The following TUT4 variants were observed in gnomAD, a reference collection of about 807,000 sequenced individuals.
The protein encoded by TUT4 is terminal uridylyltransferase 4.
A neutral mutation model predicts 192.2 loss-of-function variants in TUT4; 36 were observed. The observed-to-expected ratio is 0.19, with a 90% confidence interval of 0.14 to 0.25. TUT4 has a LOEUF of 0.25. Among genes scored for constraint, TUT4 ranks in the 10% least tolerant of loss-of-function variants. The pLI is 1.00. For synonymous variants in TUT4, 618 were observed against 666.0 expected, an observed-to-expected ratio of 0.93 and a Z score of 1.11; for missense variants, 1,493 against 1,957.2, an observed-to-expected ratio of 0.76 and a Z score of 4.47.
At chr1:52,434,831 C>T (rs1653255710) in intron 27 of TUT4, 1 of 151,910 alleles carries the variant, frequency 6.6e-6, no homozygotes, top group Non-Finnish European at 1.5e-5. Flanking sequence ...TGGAGTGAGA[C>T]TCCATCTTAA....
intron 20 of TUT4, among the ~76,000 whole-genome samples, chr1:52,448,610 A>AAAAG (rs1395728772): frequency 1.0e-3 from 151 of 151,276 alleles, no homozygotes; most frequent in African/African-American, 3.4e-3. Flanking sequence ...AAAAAAAAAA[A>AAAAG]AAAGAGGCAA....
chr1:52,522,363 A>G (rs1266985314), intron 2 of TUT4, among the ~76,000 whole-genome samples: 1 of 152,230 alleles, frequency 6.6e-6, no homozygotes, highest in African/African-American at 2.4e-5. Flanking sequence ...GAGTAATATA[A>G]TAAGTGATAG....
At chr1:52,544,223 G>A (rs1687475073) in intron 1 of TUT4, among the ~76,000 whole-genome samples, 1 of 151,792 alleles carries the variant, frequency 6.6e-6, no homozygotes, top group Non-Finnish European at 1.5e-5. Flanking sequence ...GGGAGGCGGA[G>A]CTTGCAGTGA....
chr1:52,430,229 G>C (rs1651618616), intron 28 of TUT4, among the ~76,000 whole-genome samples: 1 of 152,082 alleles, frequency 6.6e-6, no homozygotes, highest in Non-Finnish European at 1.5e-5. Context: ...GCACGGTTTT[G>C]AACAAAGAAA....
intron 20 of TUT4, among the ~76,000 whole-genome samples, chr1:52,452,514 G>A (rs1659729722): frequency 6.6e-6 from 1 of 152,164 alleles, no homozygotes; most frequent in Non-Finnish European, 1.5e-5. Flanking sequence ...GCGGAGAAGG[G>A]CTAAAGGTTA....
intron 1 of TUT4, among the ~76,000 whole-genome samples, chr1:52,550,514 T>G (rs78137579): frequency 3.3e-5 from 5 of 150,990 alleles, no homozygotes; most frequent in African/African-American, 1.2e-4. Flanking sequence ...TTTTTTTTTT[T>G]TTGTTTAAGA....
intron 2 of TUT4, among the ~76,000 whole-genome samples, chr1:52,521,543 C>T (rs1260965300): frequency 6.6e-6 from 1 of 151,774 alleles, no homozygotes; most frequent in Non-Finnish European, 1.5e-5. Flanking sequence ...TACACGCCTG[C>T]AGTCCCAGCT....
chr1:52,520,303 A>C (rs1468585553), intron 2 of TUT4, among the ~76,000 whole-genome samples: 1 of 152,304 alleles, frequency 6.6e-6, no homozygotes, highest in East Asian at 1.9e-4. Flanking sequence ...AGCCACTGAA[A>C]CACTCTAAAT....
At chr1:52,477,958 CT>C in intron 11 of TUT4, 76 bp from the exon 12 acceptor site, 32 of 1,353,994 alleles carry the variant, frequency 2.4e-5, no homozygotes, top group Non-Finnish European at 3.2e-5. Flanking sequence ...TAGAGAAGAC[CT>C]TGGAGATCAC....
chr1:52,462,605 T>C (rs1041914324), intron 16 of TUT4: 15 of 434,230 alleles, frequency 3.5e-5, no homozygotes, highest in East Asian at 1.6e-4. Context: ...TGCAGAGCTG[T>C]TGGGAGGATT....
At chr1:52,540,810 A>G (rs1028649367) in intron 1 of TUT4, among the ~76,000 whole-genome samples, 1 of 152,094 alleles carries the variant, frequency 6.6e-6, no homozygotes, top group Non-Finnish European at 1.5e-5. Flanking sequence ...ATACCTTTAT[A>G]CTCTTAAAAT....
chr1:52,509,780 G>T, intron 3 of TUT4, 68 bp from the exon 4 acceptor site: 2 of 890,942 alleles, frequency 2.2e-6, no homozygotes, highest in Non-Finnish European at 1.9e-6. Context: ...GACTATATAA[G>T]TGAATAATAC....
chr1:52,445,866 G>A lies in TUT4; in HGVS notation c.3743C>T (p.Thr1248Ile). 1 of 1,611,762 alleles carries A rather than the reference G, an allele frequency of 6.2e-7. No individual in the cohort carries two copies. The highest frequency in any genetic ancestry group is 8.5e-7 in the Non-Finnish European group (1 of 1,178,806). ...NLGAGVSRKM[T>I]NFIMKAFING... Reference sequence around the variant, plus strand: ...GATAAATGCTTTCATGATGAAATTGGTCACTATTAAAGAAAGAAGAAAACA... The same window carrying A: ...GATAAATGCTTTCATGATGAAATTGATCACTATTAAAGAAAGAAGAAAACA... Residue 1248 changes from threonine to isoleucine, a missense_variant, in exon 24 of 30, where the codon ACC becomes ATC. Transcript: ENST00000257177.
rs1305619173 is a variant in TUT4, at chr1:52,525,654, T to A, written c.627A>T (p.Ser209=). 1 of 1,614,188 alleles carries A rather than the reference T, an allele frequency of 6.2e-7. No individual in the cohort carries two copies. Among genetic ancestry groups the A allele is most frequent in the East Asian group, 2.2e-5 (1 of 44,872 alleles). Residue 209 remains serine (S), a synonymous_variant, in exon 2 of 30, where the codon TCA becomes TCT. Transcript: ENST00000257177. The stretch of plus-strand genomic sequence containing the variant: ...ATGTCTGTTGCTTCTGAGATCGTGG[T>A]GAGTTTTGCAGAGCACATTTTTCTC... ...VGGEKCALQN[S]PRSQKQQTCT...
At chr1:52,540,360 CAAAA>C (rs887414939) in intron 1 of TUT4, among the ~76,000 whole-genome samples, 2 of 151,480 alleles carry the variant, frequency 1.3e-5, no homozygotes, top group African/African-American at 4.9e-5. Context: ...ACTAAAAAGA[CAAAA>C]AAATTGCAGG....
chr1:52,501,507 G>A (rs1294132745), intron 4 of TUT4, among the ~76,000 whole-genome samples: 2 of 152,014 alleles, frequency 1.3e-5, no homozygotes, highest in Non-Finnish European at 2.9e-5. Flanking sequence ...GTGCATTACT[G>A]GTAAAGATGT....
Position 52,423,591 on chromosome 1 carries a change from TTC to T in TUT4, c.*342_*343del, listed in dbSNP as rs1309256654. On this transcript the variant is annotated 3_prime_UTR_variant, in exon 30 of 30. Transcript: ENST00000257177. ...AAAATAAAGAATGTAATTTTTTAAA[TTC>T]TCTCTTTATACAATTCATCAAGGTT... 9.6e-6 allele frequency: 3 copies of T among 311,340 alleles called. No individual in the cohort carries two copies. Among genetic ancestry groups the T allele is most frequent in the Non-Finnish European group, 1.2e-5 (2 of 162,760 alleles). 19.3% of individuals were successfully genotyped at this position (311,340 alleles called of 1,614,324 possible). A position where few individuals can be genotyped will look rare whatever the true frequency, so the allele number is the denominator to read the frequency against.
At chr1:52,432,576 C>T (rs1221100329) in intron 27 of TUT4, 1 of 152,076 alleles carries the variant, frequency 6.6e-6, no homozygotes. Flanking sequence ...TCAATCTGAA[C>T]TTTAGAAAGA....
intron 19 of TUT4, among the ~76,000 whole-genome samples, chr1:52,460,287 G>A (rs1662198385): frequency 6.6e-6 from 1 of 152,088 alleles, no homozygotes; most frequent in African/African-American, 2.4e-5. Context: ...TTTGAGGCCA[G>A]CCTGGCCAAC....
Sources: allele counts gnomAD v4.1 joint callset (sites outside exome capture counted in the v4.1 genomes callset), GRCh38; gene constraint gnomAD v4.1.1; transcripts MANE v1.5; gene names NCBI Gene and HGNC (gene_info 2026-07-23, HGNC 2026-07-21).